The following CNTN5 variants were observed in gnomAD, a reference collection of about 807,000 sequenced individuals.
CNTN5 encodes contactin-5.
CNTN5 carries 77 observed loss-of-function variants against 129.1 expected under a neutral mutation model. The ratio of observed to expected loss-of-function variants is 0.60; its 90% CI spans 0.50 to 0.72. CNTN5 has a LOEUF of 0.72. Ranked by LOEUF, CNTN5 falls within the 30% of genes least tolerant of loss-of-function variation. The pLI is 0.00. For missense variants in CNTN5, 1,478 were observed against 1,328.8 expected (o/e 1.11, Z -1.75); for synonymous variants, 509 against 465.6 (o/e 1.09, Z -1.20).
intron 3 of CNTN5, among the ~76,000 whole-genome samples, chr11:99,806,743 G>C (rs1454213737): frequency 6.6e-6 from 1 of 151,398 alleles, no homozygotes; most frequent in African/African-American, 2.4e-5. Context: ...GGAGGCAGAG[G>C]TGGCAGTGAG....
At position 100,217,623 on chromosome 11, in the gene CNTN5, C is replaced by A. The variant is rs143037366; in HGVS notation, c.1885-7069C>A. On this transcript the variant is annotated intron_variant, in intron 15 of 24. Transcript: ENST00000524871. ...CTTCAATGAGAGGTATTTTATGGAG[C>A]ATAGACTTAGTGAAAGATAGTAAGA... Among the ~76,000 whole-genome samples the A allele has an allele frequency of 9.4e-3, 1,438 of 152,180 alleles. 27 individuals carry two copies. Among genetic ancestry groups the A allele is most frequent in the African/African-American group, 0.033 (1,350 of 41,518 alleles).
In CNTN5 at chr11:100,286,047, TAG is replaced by T. The variant is rs1950779821; in HGVS notation, c.2315-11577_2315-11576del. On this transcript the variant is annotated intron_variant, in intron 18 of 24. Coordinates refer to ENST00000524871, the MANE Select transcript of CNTN5 (RefSeq NM_014361.4). ...CCACCCTAATACTGCGCTTTTCCGA[TAG>T]GCTTAAAAAACGGCCCAACACGAGA... Among the ~76,000 whole-genome samples the T allele has an allele frequency of 1.6e-4, 25 of 151,864 alleles. No individual in the cohort carries two copies. The South Asian group carries it at 5.0e-3, about 30-fold the overall frequency.
intron 3 of CNTN5, among the ~76,000 whole-genome samples, chr11:99,800,679 A>G (rs931831568): frequency 5.9e-5 from 9 of 152,114 alleles, no homozygotes; most frequent in African/African-American, 2.2e-4. Context: ...TCATTATGTA[A>G]TGCATTTCTT....
intron 8 of CNTN5, among the ~76,000 whole-genome samples, chr11:99,977,768 T>C (rs554032345): frequency 6.6e-6 from 1 of 152,298 alleles, no homozygotes; most frequent in East Asian, 1.9e-4. Flanking sequence ...TAATTCAACA[T>C]AAGATTTAGG....
chr11:99,500,851 T>A (rs1346595608), intron 2 of CNTN5, among the ~76,000 whole-genome samples: 1 of 152,178 alleles, frequency 6.6e-6, no homozygotes, highest in Non-Finnish European at 1.5e-5. Context: ...TATTTAAATA[T>A]TTTTAGATAT....
At chr11:99,786,929 G>A (rs182139982) in intron 3 of CNTN5, among the ~76,000 whole-genome samples, 21 of 152,144 alleles carry the variant, frequency 1.4e-4, no homozygotes, top group East Asian at 1.2e-3. Flanking sequence ...TAAGAGAATC[G>A]ATACGCTATT....
intron 2 of CNTN5, among the ~76,000 whole-genome samples, chr11:99,382,803 G>A (rs549001050): frequency 7.0e-6 from 1 of 142,276 alleles, no homozygotes; most frequent in African/African-American, 2.6e-5. Context: ...ACACAAGTCA[G>A]AGGAGCCAGG....
chr11:99,522,051 G>A (rs1947295514), intron 2 of CNTN5, among the ~76,000 whole-genome samples: 1 of 152,126 alleles, frequency 6.6e-6, no homozygotes, highest in Admixed American at 6.5e-5. Context: ...TGTCAACCAT[G>A]GGGCCACAGA....
At chr11:99,256,315 A>G (rs1862373893) in intron 1 of CNTN5, among the ~76,000 whole-genome samples, 1 of 152,062 alleles carries the variant, frequency 6.6e-6, no homozygotes, top group Non-Finnish European at 1.5e-5. Context: ...CTCTGGTCTT[A>G]CTGTACAATT....
At chr11:99,606,740 G>A (rs373034750) in intron 3 of CNTN5, among the ~76,000 whole-genome samples, 1 of 144,752 alleles carries the variant, frequency 6.9e-6, no homozygotes, top group South Asian at 2.3e-4. Flanking sequence ...TTACTGGTAC[G>A]AAAACAGAGA....
chr11:99,657,077 AAAG>A (rs1190296779), intron 3 of CNTN5, among the ~76,000 whole-genome samples: 4 of 151,718 alleles, frequency 2.6e-5, no homozygotes, highest in Admixed American at 6.6e-5. Flanking sequence ...GAAAAAAAAA[AAAG>A]AGAAAAAAAA....
chr11:99,321,321 T>C (rs12421638), intron 1 of CNTN5, among the ~76,000 whole-genome samples: 39,426 of 149,676 alleles, frequency 0.26, 5,841 homozygotes, highest in Middle Eastern at 0.38. Context: ...AAGGAGATTT[T>C]ATATTATATA....
rs1945342423 is a variant in CNTN5, at chr11:99,782,356, T to C, written c.56-37188T>C. On this transcript the variant is annotated intron_variant, in intron 3 of 24. Coordinates refer to ENST00000524871, the MANE Select transcript of CNTN5 (RefSeq NM_014361.4). The stretch of plus-strand genomic sequence containing the variant: ...TACAAACAAATGGAAGAACATTCCA[T>C]GCTCATGGGTAGGAAGAATCAATAT... Among the ~76,000 whole-genome samples, 4 of 149,862 alleles carry C rather than the reference T, an allele frequency of 2.7e-5. No homozygotes were observed. In the South Asian group the frequency reaches 8.5e-4, roughly 32 times the overall value.
chr11:99,245,237 C>T (rs553646110), intron 1 of CNTN5, among the ~76,000 whole-genome samples: 1 of 152,238 alleles, frequency 6.6e-6, no homozygotes, highest in African/African-American at 2.4e-5. Flanking sequence ...GTAAGTAATA[C>T]CTGTAAACTG....
At chr11:100,267,253 C>CCACACACATA (rs1555053700) in intron 17 of CNTN5, among the ~76,000 whole-genome samples, 1 of 143,852 alleles carries the variant, frequency 7.0e-6, no homozygotes. Flanking sequence ...CATGAATCAA[C>CCACACACATA]CACACACACA....
intron 16 of CNTN5, among the ~76,000 whole-genome samples, chr11:100,229,917 A>G (rs1430316191): frequency 6.6e-6 from 1 of 152,168 alleles, no homozygotes; most frequent in Non-Finnish European, 1.5e-5. Context: ...TGGAGAGTGC[A>G]TAAGCCTTCA....
chr11:99,566,989 C>CTAGG (rs1949026091), intron 3 of CNTN5, among the ~76,000 whole-genome samples: 1 of 152,122 alleles, frequency 6.6e-6, no homozygotes, highest in African/African-American at 2.4e-5. Flanking sequence ...TTTATTAAAA[C>CTAGG]TAGGTATATT....
rs116351100 is a variant in CNTN5 at position 99,600,338 on chromosome 11, C to G, written c.55+44069C>G. On this transcript the variant is annotated intron_variant, in intron 3 of 24. Coordinates refer to ENST00000524871, the MANE Select transcript of CNTN5 (RefSeq NM_014361.4). ...AAGACCAGCGTAGAAGGTTCATGTT[C>G]CCTGCTGAAATAGGATGTTGTGAGC... Among the ~76,000 whole-genome samples the G allele has an allele frequency of 2.3e-3, 356 of 152,196 alleles. 2 individuals carry two copies. Among genetic ancestry groups the G allele is most frequent in the African/African-American group, 7.2e-3 (301 of 41,520 alleles).
intron 3 of CNTN5, among the ~76,000 whole-genome samples, chr11:99,733,481 G>A (rs570676345): frequency 7.9e-5 from 12 of 151,980 alleles, no homozygotes; most frequent in Non-Finnish European, 1.6e-4. Flanking sequence ...AGATAACTGG[G>A]AGGGTCTATG....
Sources: allele counts gnomAD v4.1 joint callset (sites outside exome capture counted in the v4.1 genomes callset), GRCh38; gene constraint gnomAD v4.1.1; transcripts MANE v1.5; gene names NCBI Gene and HGNC (gene_info 2026-07-23, HGNC 2026-07-21).